SDK1: variants seen among roughly 807,000 people sequenced by gnomAD.
SDK1 encodes the protein protein sidekick-1.
Under a neutral mutation model 245.5 loss-of-function variants are expected in SDK1, and 157 were observed. The ratio of observed to expected loss-of-function variants is 0.64; its 90% CI spans 0.56 to 0.73. SDK1 has a LOEUF of 0.73. SDK1 is among the 30% of genes least tolerant of loss of function. The pLI is 0.00. For synonymous variants in SDK1, 1,647 were observed against 1,278.5 expected (o/e 1.29, Z -6.15); for missense variants, 3,583 against 3,002.3 (o/e 1.19, Z -4.52).
chr7:3,645,488 C>T (rs1250607308), intron 4 of SDK1, among the ~76,000 whole-genome samples: 1 of 152,100 alleles, frequency 6.6e-6, no homozygotes, highest in Non-Finnish European at 1.5e-5. Flanking sequence ...ATACATCGTC[C>T]AAAGACATAT....
At chr7:3,934,168 A>G (rs983651151) in intron 5 of SDK1, among the ~76,000 whole-genome samples, 2 of 152,246 alleles carry the variant, frequency 1.3e-5, no homozygotes, top group African/African-American at 2.4e-5. Flanking sequence ...CAATTTAGTC[A>G]GGTTTTCTAA....
intron 1 of SDK1, among the ~76,000 whole-genome samples, chr7:3,346,825 ATATTTTTTTTTT>A (rs1309777652): frequency 1.8e-3 from 51 of 27,606 alleles, no homozygotes; most frequent in African/African-American, 8.1e-3. Flanking sequence ...ATATATATAT[ATATTTTTTTTTT>A]TTTTTTTTTT....
At chr7:4,024,516 G>T (rs1787178234) in intron 17 of SDK1, among the ~76,000 whole-genome samples, 1 of 152,158 alleles carries the variant, frequency 6.6e-6, no homozygotes, top group Non-Finnish European at 1.5e-5. Flanking sequence ...GCTTCCTTTG[G>T]TCTTTTAGAA....
At chr7:3,907,292 C>T (rs1010984899) in intron 5 of SDK1, among the ~76,000 whole-genome samples, 2 of 152,206 alleles carry the variant, frequency 1.3e-5, no homozygotes, top group Non-Finnish European at 2.9e-5. Context: ...TCTATTCCCA[C>T]CTCCCCTTTC....
chr7:3,621,025 G>A (rs919769282), intron 2 of SDK1, among the ~76,000 whole-genome samples: 2 of 152,138 alleles, frequency 1.3e-5, no homozygotes, highest in Non-Finnish European at 2.9e-5. Flanking sequence ...TTAGGCAGGT[G>A]ACCCATGAGC....
chr7:4,247,444 C>T (rs78880160), intron 44 of SDK1, among the ~76,000 whole-genome samples: 5,526 of 152,344 alleles, frequency 0.036, 121 homozygotes, highest in East Asian at 0.1. Context: ...AAGTGAAATC[C>T]TGCAAAACTA....
In SDK1 at chr7:3,685,894, T is replaced by C. The variant is rs1314035781; in HGVS notation, c.713+43789T>C. 3.3e-5 allele frequency among the ~76,000 whole-genome samples: 5 copies of C among 152,148 alleles called. No individual in the cohort carries two copies. In the South Asian group the frequency reaches 8.3e-4, roughly 25 times the overall value. On this transcript the variant is annotated intron_variant, in intron 4 of 44. Transcript: ENST00000404826. ...AAATAATAAAATGGCACGTTTAACA[T>C]GCATATCAATAATTATGTTAAATGT...
intron 13 of SDK1, among the ~76,000 whole-genome samples, chr7:3,986,654 T>A (rs780958877): frequency 5.3e-5 from 8 of 151,392 alleles, no homozygotes; most frequent in Admixed American, 2.0e-4. Flanking sequence ...AGGTCAGGAG[T>A]TCAAGACCAA....
chr7:3,830,275 A>G (rs1435752848), intron 5 of SDK1, among the ~76,000 whole-genome samples: 1 of 152,184 alleles, frequency 6.6e-6, no homozygotes, highest in Non-Finnish European at 1.5e-5. Flanking sequence ...TTATGCTGCG[A>G]TTATTGAAAG....
intron 1 of SDK1, among the ~76,000 whole-genome samples, chr7:3,595,235 A>G (rs1344801646): frequency 2.6e-5 from 4 of 151,974 alleles, no homozygotes; most frequent in South Asian, 2.1e-4. Context: ...TTTTGCTTGT[A>G]ATTATATATA....
At chr7:3,746,094 G>T (rs1779609129) in intron 4 of SDK1, among the ~76,000 whole-genome samples, 1 of 152,168 alleles carries the variant, frequency 6.6e-6, no homozygotes. Flanking sequence ...CTAAGATATT[G>T]TGGGTTTGCT....
chr7:3,443,195 A>G (rs963751863), intron 1 of SDK1, among the ~76,000 whole-genome samples: 14 of 152,202 alleles, frequency 9.2e-5, no homozygotes, highest in African/African-American at 3.4e-4. Context: ...GCATTAACAA[A>G]AAAACTTAAC....
chr7:3,869,153 C>G (rs969867007), intron 5 of SDK1, among the ~76,000 whole-genome samples: 1 of 117,130 alleles, frequency 8.5e-6, no homozygotes, highest in Non-Finnish European at 1.8e-5. Context: ...TTTTTCATTT[C>G]TTTTTTTTTT....
intron 4 of SDK1, among the ~76,000 whole-genome samples, chr7:3,702,650 C>T (rs1784772033): frequency 6.6e-6 from 1 of 152,184 alleles, no homozygotes; most frequent in African/African-American, 2.4e-5. Flanking sequence ...TGATGAGATG[C>T]CTCATGACCC....
rs113647376 is a variant in SDK1, at chr7:3,860,718, C to T, written c.847+39135C>T. On this transcript the variant is annotated intron_variant, in intron 5 of 44. Coordinates refer to ENST00000404826, the MANE Select transcript of SDK1 (RefSeq NM_152744.4). The stretch of plus-strand genomic sequence containing the variant: ...TCCTCTCCCCTTGGAGGCCTGTATT[C>T]ATCTCTTGAAACTGCTATTTTTTGC... Among the ~76,000 whole-genome samples, 10 of 152,270 alleles carry T rather than the reference C, an allele frequency of 6.6e-5. 1 individual carries two copies. Among genetic ancestry groups the T allele is most frequent in the South Asian group, 4.1e-4 (2 of 4,820 alleles).
At chr7:3,500,559 C>G (rs1462463788) in intron 1 of SDK1, among the ~76,000 whole-genome samples, 2 of 152,038 alleles carry the variant, frequency 1.3e-5, no homozygotes, top group Non-Finnish European at 2.9e-5. Context: ...CTGTTTTTCT[C>G]TGATTATTTG....
At chr7:3,461,724 G>C (rs1338081243) in intron 1 of SDK1, among the ~76,000 whole-genome samples, 1 of 152,108 alleles carries the variant, frequency 6.6e-6, no homozygotes, top group Non-Finnish European at 1.5e-5. Context: ...AGAAACAGAA[G>C]CCATTAGATG....
At chr7:4,239,587 C>A (rs1253850201) in intron 42 of SDK1, among the ~76,000 whole-genome samples, 1 of 152,176 alleles carries the variant, frequency 6.6e-6, no homozygotes, top group Non-Finnish European at 1.5e-5. Context: ...TGGTCTCGAA[C>A]TCCAGGGCTA....
chr7:3,323,112 C>T (rs924560760), intron 1 of SDK1, among the ~76,000 whole-genome samples: 1 of 152,128 alleles, frequency 6.6e-6, no homozygotes, highest in Non-Finnish European at 1.5e-5. Flanking sequence ...AGGTTTTGCC[C>T]TTTTGTTTGC....
Sources: gnomAD v4.1 joint callset for allele counts (sites outside exome capture counted in the v4.1 genomes callset) on GRCh38, gnomAD v4.1.1 for gene constraint, MANE v1.5 for transcripts, NCBI Gene and HGNC (gene_info 2026-07-23, HGNC 2026-07-21) for gene names.